The following ATP6V0A4 variants were observed in gnomAD, a reference collection of about 807,000 sequenced individuals.
ATP6V0A4 encodes ATPase H+ transporting V0 subunit a4.
In ATP6V0A4, 86 loss-of-function variants were observed where a neutral mutation model predicts 107.3. The ratio of observed to expected loss-of-function variants is 0.80; its 90% confidence interval spans 0.67 to 0.96. The LOEUF is 0.96. Ranked by LOEUF, ATP6V0A4 falls within the 40% of genes least tolerant of loss-of-function variation. The pLI is 0.00. For synonymous variants in ATP6V0A4, 353 were observed against 381.4 expected (o/e 0.93, Z 0.87); for missense variants, 908 against 1,045.6 (o/e 0.87, Z 1.81).
At chr7:138,779,535 A>C (rs1225449732) in intron 2 of ATP6V0A4, among the ~76,000 whole-genome samples, 2 of 152,214 alleles carry the variant, frequency 1.3e-5, no homozygotes, top group Non-Finnish European at 2.9e-5. Context: ...CAAGTTGACC[A>C]TAAAATTAAC....
Position 138,709,665 on chromosome 7 carries a change from C to T in ATP6V0A4, c.2388G>A (p.Met796Ile), listed in dbSNP as rs1562974440. Residue 796 changes from methionine (M) to isoleucine (I), a missense_variant, in exon 21 of 22, where the codon ATG becomes ATA. Coordinates refer to ENST00000310018, the MANE Select transcript of ATP6V0A4 (RefSeq NM_020632.3). ...CGTGCAGGAAAGCAGAGAGGCCCTC[C>T]ATGATCAGAAGGATGGCTACTGTCA... is the stretch of plus-strand genomic sequence containing the variant. Reference protein sequence around the residue: ...AVLTVAILLIMEGLSAFLHAL... With the variant: ...AVLTVAILLIIEGLSAFLHAL... 1 of 1,613,488 alleles carries T rather than the reference C, an allele frequency of 6.2e-7. No homozygotes were observed. Among genetic ancestry groups the T allele is most frequent in the East Asian group, 2.2e-5 (1 of 44,850 alleles).
intron 20 of ATP6V0A4, among the ~76,000 whole-genome samples, chr7:138,714,770 G>T (rs1803947218): frequency 6.6e-6 from 1 of 152,148 alleles, no homozygotes; most frequent in South Asian, 2.1e-4. Context: ...TTGCAGAAGG[G>T]CATGGTAGCC....
chr7:138,712,822 T>A (rs1803813990), intron 20 of ATP6V0A4, among the ~76,000 whole-genome samples: 1 of 152,110 alleles, frequency 6.6e-6, no homozygotes, highest in Admixed American at 6.6e-5. Context: ...CCTCCTCCTG[T>A]CTTATCTAGA....
chr7:138,763,500 C>T (rs1016091251), intron 5 of ATP6V0A4, among the ~76,000 whole-genome samples: 1 of 151,988 alleles, frequency 6.6e-6, no homozygotes, highest in African/African-American at 2.4e-5. Context: ...TGGTGGCACA[C>T]ACCTGTAATC....
At chr7:138,774,703 C>T (rs1012695653) in intron 2 of ATP6V0A4, among the ~76,000 whole-genome samples, 7 of 143,900 alleles carry the variant, frequency 4.9e-5, no homozygotes, top group African/African-American at 1.3e-4. Flanking sequence ...TATGTATATA[C>T]GTGTGTATAT....
chr7:138,749,387 C>A (rs571334846), intron 11 of ATP6V0A4, 70 bp from the exon 12 acceptor site: 2 of 1,573,454 alleles, frequency 1.3e-6, no homozygotes, highest in East Asian at 2.2e-5. Flanking sequence ...GCACAAAGGT[C>A]ACAGTCCCAG....
Position 138,759,752 on chromosome 7 carries a change from C to G in ATP6V0A4, c.639G>C (p.Thr213=). Residue 213 remains threonine, a splice_region_variant and synonymous_variant, in exon 8 of 22, where the codon ACG becomes ACC. Coordinates refer to ENST00000310018, the MANE Select transcript of ATP6V0A4 (RefSeq NM_020632.3). The part of the protein sequence containing the change: ...EMDAPLEDPV[T]KEEIQKNIFI... ...AGTTTTTGCAGCCCAAGGTTCCCAC[C>G]GTCACAGGATCCTCCAGAGGGGCGT... 1 of 1,614,096 alleles carries G rather than the reference C, an allele frequency of 6.2e-7. No individual in the cohort carries two copies. The highest frequency in any genetic ancestry group is 8.5e-7 in the Non-Finnish European group (1 of 1,180,028).
At chr7:138,793,198 G>A (rs1175714224) in intron 1 of ATP6V0A4, among the ~76,000 whole-genome samples, 1 of 152,130 alleles carries the variant, frequency 6.6e-6, no homozygotes. Context: ...AGGAGACTGA[G>A]GAAGAAGAAT....
intron 3 of ATP6V0A4, among the ~76,000 whole-genome samples, chr7:138,770,727 A>G (rs1807338998): frequency 6.6e-6 from 1 of 152,146 alleles, no homozygotes; most frequent in African/African-American, 2.4e-5. Context: ...CCAACTCTGG[A>G]CTCCAGAATA....
chr7:138,775,307 C>T (rs1481741222), intron 2 of ATP6V0A4, among the ~76,000 whole-genome samples: 2 of 152,118 alleles, frequency 1.3e-5, no homozygotes, highest in African/African-American at 4.8e-5. Flanking sequence ...AAATCCCATA[C>T]ATCATATTAT....
At chr7:138,745,909 C>A (rs62485354) in intron 13 of ATP6V0A4, among the ~76,000 whole-genome samples, 68,535 of 116,638 alleles carry the variant, frequency 0.59, 20,811 homozygotes, top group East Asian at 0.9. Context: ...GCCCCACTGC[C>A]CTCCGGCCTG....
At chr7:138,730,349 T>C (rs1211348300) in intron 17 of ATP6V0A4, among the ~76,000 whole-genome samples, 1 of 136,420 alleles carries the variant, frequency 7.3e-6, no homozygotes, top group Non-Finnish European at 1.5e-5. Context: ...TGAGTGTGTG[T>C]GTGTGTGTGT....
rs560219564 is a variant in ATP6V0A4 at position 138,721,298 on chromosome 7, G to C, written c.2139+599C>G. The stretch of plus-strand genomic sequence containing the variant: ...TCATGCCTGTAATCCCAGCACTTTG[G>C]GAGGCCGAGGCAGGCAGATCACCTG... On this transcript the variant is annotated intron_variant, in intron 19 of 21. Coordinates refer to ENST00000310018, the MANE Select transcript of ATP6V0A4 (RefSeq NM_020632.3). Among the ~76,000 whole-genome samples the C allele has an allele frequency of 4.6e-5, 7 of 152,288 alleles. No individual in the cohort carries two copies. The South Asian group carries it at 1.0e-3, about 23-fold the overall frequency.
At chr7:138,798,000 G>A (rs150879269) in intron 1 of ATP6V0A4, 34 bp downstream of exon 1, 25 of 1,548,072 alleles carry the variant, frequency 1.6e-5, no homozygotes, top group Middle Eastern at 1.7e-4. Flanking sequence ...TGGCAGAGTT[G>A]CTTTCCAGCT....
At chr7:138,763,495 G>A (rs1806932010) in intron 5 of ATP6V0A4, among the ~76,000 whole-genome samples, 1 of 151,982 alleles carries the variant, frequency 6.6e-6, no homozygotes, top group Admixed American at 6.6e-5. Context: ...AGGAATGGTG[G>A]CACACACCTG....
chr7:138,717,213 G>C (rs896268154), intron 19 of ATP6V0A4, among the ~76,000 whole-genome samples: 1 of 152,194 alleles, frequency 6.6e-6, no homozygotes, highest in Non-Finnish European at 1.5e-5. Flanking sequence ...GGCTGGAAAC[G>C]GACTCCTGAG....
intron 10 of ATP6V0A4, among the ~76,000 whole-genome samples, chr7:138,754,822 T>A (rs529064146): frequency 1.3e-5 from 2 of 152,194 alleles, no homozygotes; most frequent in African/African-American, 4.8e-5. Flanking sequence ...GAGATGGGGT[T>A]TCACCAGTTT....
At chr7:138,784,307 C>CAGATATAT (rs1245004381) in intron 2 of ATP6V0A4, among the ~76,000 whole-genome samples, 1 of 123,920 alleles carries the variant, frequency 8.1e-6, no homozygotes, top group African/African-American at 3.7e-5. Flanking sequence ...CACACACACA[C>CAGATATAT]ATATATATAT....
At chr7:138,749,792 C>T (rs1806137069) in intron 11 of ATP6V0A4, among the ~76,000 whole-genome samples, 1 of 152,188 alleles carries the variant, frequency 6.6e-6, no homozygotes, top group Admixed American at 6.5e-5. Flanking sequence ...TCCACAAACT[C>T]CCTGCCCCTT....
Sources: gnomAD v4.1 joint callset for allele counts (sites outside exome capture counted in the v4.1 genomes callset) on GRCh38, gnomAD v4.1.1 for gene constraint, MANE v1.5 for transcripts, NCBI Gene and HGNC (gene_info 2026-07-23, HGNC 2026-07-21) for gene names.